Variants in SUGCT observed in about 807,000 individuals in gnomAD.
The protein encoded by SUGCT is succinyl-CoA:glutarate CoA-transferase.
A neutral mutation model predicts 55.0 loss-of-function variants in SUGCT; 41 were observed. The ratio of observed to expected loss-of-function variants is 0.74; its 90% CI spans 0.58 to 0.97. The LOEUF is 0.97. Ranked by LOEUF, SUGCT falls within the 50% of genes least tolerant of loss-of-function variation. SUGCT has a pLI of 0.00. For synonymous variants in SUGCT, 187 were observed against 200.4 expected (o/e 0.93, Z 0.56); for missense variants, 568 against 547.8 (o/e 1.04, Z -0.37).
chr7:40,330,137 C>T (rs1386073081), intron 9 of SUGCT, among the ~76,000 whole-genome samples: 1 of 152,168 alleles, frequency 6.6e-6, no homozygotes, highest in African/African-American at 2.4e-5. Flanking sequence ...TTATTGAGAA[C>T]AGAAAGGAAG....
Position 40,517,046 on chromosome 7 carries a change from TTTAG to T in SUGCT, c.1089+20664_1089+20667del, listed in dbSNP as rs367555801. On this transcript the variant is annotated intron_variant, in intron 12 of 13. Transcript: ENST00000335693. ...TTTTAGTAAGTAAGTCTTTCACTTC[TTTAG>T]TTAAATTTATACCTGAGTAATTTTT... 7.6e-3 allele frequency among the ~76,000 whole-genome samples: 1,160 copies of T among 152,190 alleles called. 11 individuals carry two copies. Among genetic ancestry groups the T allele is most frequent in the African/African-American group, 0.027 (1,104 of 41,564 alleles).
At chr7:40,707,180 G>C (rs1785460114) in intron 12 of SUGCT, among the ~76,000 whole-genome samples, 1 of 151,816 alleles carries the variant, frequency 6.6e-6, no homozygotes, top group African/African-American at 2.4e-5. Flanking sequence ...CTTTAAATGA[G>C]GGGTATAGAT....
chr7:40,574,419 GTTGTTGTTTGTT>G (rs1796613677), intron 12 of SUGCT, among the ~76,000 whole-genome samples: 1 of 151,554 alleles, frequency 6.6e-6, no homozygotes, highest in South Asian at 2.1e-4. Flanking sequence ...TGTTAGTTTT[GTTGTTGTTTGTT>G]TTGTTGTTGT....
At chr7:40,183,978 A>G (rs946892721) in intron 3 of SUGCT, among the ~76,000 whole-genome samples, 47 of 152,206 alleles carry the variant, frequency 3.1e-4, no homozygotes, top group African/African-American at 1.1e-3. Flanking sequence ...GTTCAAGACC[A>G]GCCTGGCCAA....
In SUGCT at chr7:40,496,365, G is replaced by A. The variant is rs762119007; in HGVS notation, c.1068G>A (p.Lys356=). 1 of 1,612,232 alleles carries A rather than the reference G, an allele frequency of 6.2e-7. No individual in the cohort carries two copies. Among genetic ancestry groups the A allele is most frequent in the Non-Finnish European group, 8.5e-7 (1 of 1,178,854 alleles). Residue 356 remains lysine (K), a synonymous_variant, in exon 12 of 14, where the codon AAG becomes AAA. Coordinates refer to ENST00000335693, the MANE Select transcript of SUGCT (RefSeq NM_001193313.2). ...CGTATGGCCCAATCAACAACATGAA[G>A]AATGTATTTGCAGAACCTCAGGTTT... The part of the protein sequence containing the change: ...GVPYGPINNM[K]NVFAEPQVLH...
At chr7:41,014,240 G>T in the SUGCT span, among the ~76,000 whole-genome samples, 1 of 152,110 alleles carries the variant, frequency 6.6e-6, no homozygotes, top group East Asian at 1.9e-4. Context: ...ACATGAGAAT[G>T]TTGTATATAT....
intron 1 of SUGCT, among the ~76,000 whole-genome samples, chr7:40,167,209 CAAT>C (rs1784465030): frequency 6.6e-6 from 1 of 152,108 alleles, no homozygotes; most frequent in African/African-American, 2.4e-5. Flanking sequence ...AAAAATGCAA[CAAT>C]GTGATGAAAC....
chr7:40,766,142 G>A (rs558217483), intron 13 of SUGCT, among the ~76,000 whole-genome samples: 1 of 152,270 alleles, frequency 6.6e-6, no homozygotes, highest in South Asian at 2.1e-4. Flanking sequence ...TGTAGAAAAA[G>A]TGATACATAT....
chr7:40,145,358 CT>C (rs1046748865), intron 1 of SUGCT, among the ~76,000 whole-genome samples: 3 of 151,502 alleles, frequency 2.0e-5, no homozygotes, highest in African/African-American at 4.8e-5. Context: ...CCTTTTATAA[CT>C]TTTTTTTTCA....
At chr7:40,651,613 A>T (rs1800785737) in intron 12 of SUGCT, among the ~76,000 whole-genome samples, 1 of 152,214 alleles carries the variant, frequency 6.6e-6, no homozygotes, top group South Asian at 2.1e-4. Flanking sequence ...GAAACTGCTT[A>T]CACATGACTT....
chr7:40,717,938 T>G (rs1216625029), intron 12 of SUGCT, among the ~76,000 whole-genome samples: 2 of 152,312 alleles, frequency 1.3e-5, no homozygotes, highest in East Asian at 3.9e-4. Context: ...TCTTCTTTAT[T>G]CACATATTTT....
At chr7:40,313,661 ACT>A (rs1229242716) in intron 8 of SUGCT, among the ~76,000 whole-genome samples, 2 of 147,352 alleles carry the variant, frequency 1.4e-5, no homozygotes, top group East Asian at 2.0e-4. Context: ...TTTTTTTGAG[ACT>A]CTGTTGCTGA....
At chr7:40,596,591 A>C (rs943355055) in intron 12 of SUGCT, among the ~76,000 whole-genome samples, 1 of 152,192 alleles carries the variant, frequency 6.6e-6, no homozygotes, top group Non-Finnish European at 1.5e-5. Flanking sequence ...TGAATGGGCC[A>C]CACACTATGT....
At chr7:40,837,975 G>C (rs1793078568) in intron 13 of SUGCT, among the ~76,000 whole-genome samples, 1 of 152,232 alleles carries the variant, frequency 6.6e-6, no homozygotes, top group Non-Finnish European at 1.5e-5. Flanking sequence ...CCTATGGATG[G>C]TCAGTCGCTC....
chr7:40,817,910 A>C (rs1389117712), intron 13 of SUGCT, among the ~76,000 whole-genome samples: 2 of 152,206 alleles, frequency 1.3e-5, no homozygotes, highest in Non-Finnish European at 2.9e-5. Flanking sequence ...AATATTACAC[A>C]TGTAATATAA....
intron 12 of SUGCT, among the ~76,000 whole-genome samples, chr7:40,562,026 G>A (rs992072925): frequency 1.3e-5 from 2 of 150,672 alleles, no homozygotes; most frequent in East Asian, 2.0e-4. Context: ...CAGGCCAGGC[G>A]CAGTGGCTCA....
intron 9 of SUGCT, among the ~76,000 whole-genome samples, chr7:40,398,697 A>T (rs1026040040): frequency 1.6e-4 from 25 of 152,098 alleles, no homozygotes; most frequent in African/African-American, 5.8e-4. Flanking sequence ...TTTATTAGTG[A>T]TATCATAATC....
intron 9 of SUGCT, among the ~76,000 whole-genome samples, chr7:40,379,789 G>A (rs1254017701): frequency 6.6e-6 from 1 of 152,154 alleles, no homozygotes; most frequent in African/African-American, 2.4e-5. Flanking sequence ...AAGTGAAATT[G>A]TAGGCCCTTC....
At chr7:40,618,850 C>A (rs1799132773) in intron 12 of SUGCT, among the ~76,000 whole-genome samples, 1 of 152,088 alleles carries the variant, frequency 6.6e-6, no homozygotes, top group Non-Finnish European at 1.5e-5. Context: ...TTTTCTGTTT[C>A]TAAATTTTAT....
Sources: allele counts gnomAD v4.1 joint callset (sites outside exome capture counted in the v4.1 genomes callset), GRCh38; gene constraint gnomAD v4.1.1; transcripts MANE v1.5; gene names NCBI Gene and HGNC (gene_info 2026-07-23, HGNC 2026-07-21).